ZNF420: variants seen among roughly 807,000 people sequenced by gnomAD.
The protein encoded by ZNF420 is zinc finger protein 420.
ZNF420 carries 31 observed loss-of-function variants against 44.7 expected under a neutral mutation model. The observed-to-expected ratio is 0.69, with a 90% CI of 0.52 to 0.94. ZNF420 has a LOEUF of 0.94. Among genes scored for constraint, ZNF420 ranks in the 40% least tolerant of loss-of-function variants. The pLI is 0.00. For synonymous variants in ZNF420, 245 were observed against 267.4 expected, an observed-to-expected ratio of 0.92 and a Z score of 0.82; for missense variants, 681 against 827.9, an observed-to-expected ratio of 0.82 and a Z score of 2.18.
chr19:37,098,852 A>G (rs1442234583), intron 4 of ZNF420, among the ~76,000 whole-genome samples: 1 of 152,156 alleles, frequency 6.6e-6, no homozygotes, highest in African/African-American at 2.4e-5. Context: ...CCACCCCCTC[A>G]GCATCTGGTA....
intron 1 of ZNF420, among the ~76,000 whole-genome samples, chr19:37,040,997 T>G (rs1203853642): frequency 6.6e-6 from 1 of 151,564 alleles, no homozygotes; most frequent in Non-Finnish European, 1.5e-5. Flanking sequence ...TTATAGGCAC[T>G]CCTTCCAAGT....
intron 2 of ZNF420, among the ~76,000 whole-genome samples, chr19:37,087,292 A>AT (rs1233638058): frequency 1.4e-5 from 1 of 73,514 alleles, no homozygotes; most frequent in Non-Finnish European, 2.8e-5. Context: ...CAAAAAAAAA[A>AT]ATAAATAAAT....
intron 2 of ZNF420, among the ~76,000 whole-genome samples, chr19:37,085,631 G>A (rs934169599): frequency 6.6e-6 from 1 of 152,276 alleles, no homozygotes; most frequent in Admixed American, 6.5e-5. Context: ...CTCTTTATCA[G>A]GTGCCTCTGC....
chr19:37,010,520 C>T (rs932733539), intron 1 of ZNF420, among the ~76,000 whole-genome samples: 1 of 151,942 alleles, frequency 6.6e-6, no homozygotes, highest in Non-Finnish European at 1.5e-5. Context: ...TGTGTGTCTC[C>T]CATTCTCTCT....
chr19:37,063,821 C>T (rs1001476375), intron 1 of ZNF420, among the ~76,000 whole-genome samples: 1 of 152,142 alleles, frequency 6.6e-6, no homozygotes, highest in African/African-American at 2.4e-5. Flanking sequence ...TTATGACCAT[C>T]GATATCAGAT....
At chr19:37,112,912 G>C (rs2146673035) in intron 4 of ZNF420, among the ~76,000 whole-genome samples, 1 of 152,154 alleles carries the variant, frequency 6.6e-6, no homozygotes, top group African/African-American at 2.4e-5. Flanking sequence ...TTTTTTGTGG[G>C]GGCTCCCTGG....
intron 4 of ZNF420, among the ~76,000 whole-genome samples, chr19:37,095,617 A>G (rs1385107510): frequency 6.6e-6 from 1 of 150,958 alleles, no homozygotes; most frequent in East Asian, 1.9e-4. Flanking sequence ...TTCTTTTTTG[A>G]GATGGGGTCT....
chr19:37,026,608 C>T (rs1390643923), intron 1 of ZNF420, among the ~76,000 whole-genome samples: 2 of 152,042 alleles, frequency 1.3e-5, no homozygotes, highest in African/African-American at 2.4e-5. Context: ...TGTGAGCCAC[C>T]GGGCCTGGTA....
intron 1 of ZNF420, among the ~76,000 whole-genome samples, chr19:37,016,392 G>A (rs1402275812): frequency 6.6e-6 from 1 of 152,216 alleles, no homozygotes; most frequent in African/African-American, 2.4e-5. Context: ...GGGGTTTGGG[G>A]TGTTTTGCAC....
chr19:37,070,559 A>G (rs1379389856), intron 1 of ZNF420, among the ~76,000 whole-genome samples: 1 of 152,234 alleles, frequency 6.6e-6, no homozygotes, highest in Non-Finnish European at 1.5e-5. Context: ...AAAGTCCTAT[A>G]ATAATAAAAA....
chr19:37,010,006 G>A (rs2074556177), intron 1 of ZNF420, among the ~76,000 whole-genome samples: 1 of 152,146 alleles, frequency 6.6e-6, no homozygotes, highest in South Asian at 2.1e-4. Flanking sequence ...TACTGCCGCC[G>A]CCATTGTTCG....
chr19:37,116,901 G>T (rs1029106061), intron 4 of ZNF420, among the ~76,000 whole-genome samples: 1 of 152,192 alleles, frequency 6.6e-6, no homozygotes, highest in African/African-American at 2.4e-5. Flanking sequence ...CAGCGAGGCT[G>T]GGGGAGGGGT....
chr19:37,115,881 T>G (rs1027678096), intron 4 of ZNF420, among the ~76,000 whole-genome samples: 1 of 152,150 alleles, frequency 6.6e-6, no homozygotes, highest in South Asian at 2.1e-4. Flanking sequence ...CAGTGTATTG[T>G]GTCCCTGGGT....
intron 2 of ZNF420, among the ~76,000 whole-genome samples, chr19:37,084,779 A>G (rs1015328666): frequency 1.3e-5 from 2 of 152,022 alleles, no homozygotes; most frequent in African/African-American, 2.4e-5. Flanking sequence ...GAATTTGTCT[A>G]TATTGTTGAA....
chr19:37,115,089 C>G (rs1262560261), intron 4 of ZNF420: 2 of 167,442 alleles, frequency 1.2e-5, no homozygotes, highest in Non-Finnish European at 2.6e-5. Context: ...AAGTTTACCG[C>G]AAAGGGTGAC....
intron 4 of ZNF420, among the ~76,000 whole-genome samples, chr19:37,104,532 C>G (rs984061467): frequency 6.6e-6 from 1 of 152,172 alleles, no homozygotes; most frequent in African/African-American, 2.4e-5. Context: ...AATGGTATTT[C>G]TAGTTCTGGA....
chr19:37,050,934 C>T (rs891204311), intron 1 of ZNF420, among the ~76,000 whole-genome samples: 5 of 152,088 alleles, frequency 3.3e-5, no homozygotes, highest in East Asian at 1.9e-4. Flanking sequence ...GCATGAAGGG[C>T]TGTTGAATTT....
At chr19:37,079,785 A>T (rs1051777097) in intron 1 of ZNF420, among the ~76,000 whole-genome samples, 3 of 152,060 alleles carry the variant, frequency 2.0e-5, no homozygotes, top group African/African-American at 7.2e-5. Flanking sequence ...TTTGGGAGGC[A>T]GAGGCGGGTG....
intron 1 of ZNF420, among the ~76,000 whole-genome samples, chr19:37,057,942 C>T (rs530824611): frequency 1.6e-4 from 24 of 152,276 alleles, no homozygotes; most frequent in Admixed American, 4.6e-4. Context: ...GACAACAATA[C>T]CTGCTGTCAC....
Sources: allele counts gnomAD v4.1 joint callset (sites outside exome capture counted in the v4.1 genomes callset), GRCh38; gene constraint gnomAD v4.1.1; transcripts MANE v1.5; gene names NCBI Gene and HGNC (gene_info 2026-07-23, HGNC 2026-07-21).